The following EXOC1 variants were observed in gnomAD, a reference collection of about 807,000 sequenced individuals.
The protein encoded by EXOC1 is exocyst complex component 1, also known as SEC3-like 1.
A neutral mutation model predicts 107.7 loss-of-function variants in EXOC1; 67 were observed. The ratio of observed to expected loss-of-function variants is 0.62; its 90% CI spans 0.51 to 0.76. The LOEUF (loss-of-function observed/expected upper bound fraction) is 0.76. EXOC1 is among the 30% of genes least tolerant of loss of function. The probability of loss-of-function intolerance (pLI) is 0.00; values close to 1 mark genes in which losing one functional copy is unlikely to be tolerated. For missense variants in EXOC1, 833 were observed against 1,055.7 expected, an observed-to-expected ratio of 0.79 and a Z score of 2.92; for synonymous variants, 348 against 353.5, an observed-to-expected ratio of 0.98 and a Z score of 0.17.
intron 11 of EXOC1, 80 bp downstream of exon 11, chr4:55,889,012 G>A (rs1724211623): frequency 1.3e-6 from 2 of 1,482,260 alleles, no homozygotes; most frequent in Non-Finnish European, 1.9e-6. Flanking sequence ...TTGAAAAAAG[G>A]TAACACCAAA....
At chr4:55,879,825 T>G (rs757686929) in intron 9 of EXOC1, among the ~76,000 whole-genome samples, 1 of 152,188 alleles carries the variant, frequency 6.6e-6, no homozygotes, top group Non-Finnish European at 1.5e-5. Flanking sequence ...ATCTAAAATC[T>G]TTTATCTGTA....
At chr4:55,859,471 A>G (rs1280055198) in intron 2 of EXOC1, among the ~76,000 whole-genome samples, 1 of 152,146 alleles carries the variant, frequency 6.6e-6, no homozygotes, top group African/African-American at 2.4e-5. Context: ...TTGGTGTTTT[A>G]TATGGATGTC....
chr4:55,862,773 C>T (rs1721596094), intron 3 of EXOC1, among the ~76,000 whole-genome samples: 1 of 152,120 alleles, frequency 6.6e-6, no homozygotes, highest in African/African-American at 2.4e-5. Context: ...TTACATTTCC[C>T]CCAAATAACA....
intron 15 of EXOC1, among the ~76,000 whole-genome samples, chr4:55,896,227 G>A (rs1725186346): frequency 6.6e-6 from 1 of 152,154 alleles, no homozygotes; most frequent in African/African-American, 2.4e-5. Flanking sequence ...TTGGCTCACT[G>A]CAACCTCTGC....
At chr4:55,857,160 C>CTT (rs1472222197) in intron 1 of EXOC1, among the ~76,000 whole-genome samples, 1 of 133,432 alleles carries the variant, frequency 7.5e-6, no homozygotes, top group African/African-American at 2.9e-5. Context: ...ACTTCATTTC[C>CTT]TTTTTTTCTT....
At chr4:55,895,449 G>T (rs866185872) in intron 15 of EXOC1, among the ~76,000 whole-genome samples, 12 of 152,142 alleles carry the variant, frequency 7.9e-5, no homozygotes, top group African/African-American at 2.2e-4. Context: ...TCACCTCACA[G>T]TTACCAATAC....
At chr4:55,868,185 G>C (rs1261769451) in intron 4 of EXOC1, 151 bp from the exon 5 acceptor site, 8 of 453,872 alleles carry the variant, frequency 1.8e-5, no homozygotes, top group Non-Finnish European at 2.9e-5. Flanking sequence ...TAAAAATAAA[G>C]TTTGATTTTT....
intron 3 of EXOC1, among the ~76,000 whole-genome samples, chr4:55,863,704 G>T (rs906370046): frequency 1.3e-5 from 2 of 152,120 alleles, no homozygotes; most frequent in Admixed American, 6.5e-5. Flanking sequence ...ATAATTAGGC[G>T]CAATCTCTGC....
rs549052775 is a variant in EXOC1, at chr4:55,858,409, C to G, written c.86C>G (p.Ala29Gly). 6.4e-4 allele frequency: 1,036 copies of G among 1,606,202 alleles called. 20 individuals are homozygous for G. In the South Asian group the frequency reaches 0.011, roughly 17 times the overall value. ...RLLSIVNVCK[A>G]GKKKKNCFLC... ...CTGAGCATTGTGAATGTCTGCAAAG[C>G]AGGAAAAAAGAAAAAGAACTGTTTT... is the stretch of plus-strand genomic sequence containing the variant. Residue 29 changes from alanine (A) to glycine (G), a missense_variant, in exon 2 of 19, where the codon GCA becomes GGA. Coordinates refer to ENST00000381295, the MANE Select transcript of EXOC1 (RefSeq NM_001024924.2).
intron 9 of EXOC1, 80 bp downstream of exon 9, chr4:55,878,146 A>G: frequency 6.8e-7 from 1 of 1,476,292 alleles, no homozygotes; most frequent in African/African-American, 1.4e-5. Context: ...CAGTTCCCCA[A>G]GTTTAAAATA....
intron 14 of EXOC1, among the ~76,000 whole-genome samples, chr4:55,893,128 T>C (rs1195348097): frequency 6.6e-6 from 1 of 152,216 alleles, no homozygotes; most frequent in Non-Finnish European, 1.5e-5. Context: ...GTTGTTGTTG[T>C]TTTCTGAGAT....
Position 55,893,787 on chromosome 4 carries a change from T to G in EXOC1, c.1953+7T>G. 6.2e-7 allele frequency: 1 copy of G among 1,605,460 alleles called. No homozygotes were observed. The highest frequency in any genetic ancestry group is 8.5e-7 in the Non-Finnish European group (1 of 1,176,268). ...GAACTTTGACAAATGCATTGTAAGT[T>G]TTCTTTTTTAAAAAAATACCTTAGC... On this transcript the variant is annotated splice_region_variant and intron_variant, in intron 15 of 18. Coordinates refer to ENST00000381295, the MANE Select transcript of EXOC1 (RefSeq NM_001024924.2).
intron 1 of EXOC1, among the ~76,000 whole-genome samples, chr4:55,857,253 A>G (rs1721080918): frequency 8.3e-6 from 1 of 120,846 alleles, no homozygotes; most frequent in Non-Finnish European, 1.6e-5. Flanking sequence ...GTCTCGGCTC[A>G]CTGCAAGCTC....
At position 55,871,188 on chromosome 4, in the gene EXOC1, G is replaced by A; in HGVS notation, c.919G>A (p.Ala307Thr). 6.2e-7 allele frequency: 1 copy of A among 1,613,906 alleles called. No homozygotes were observed. The highest frequency in any genetic ancestry group is 8.5e-7 in the Non-Finnish European group (1 of 1,179,878). Residue 307 changes from alanine (A) to threonine (T), a missense_variant, in exon 7 of 19, where the codon GCT becomes ACT. Ala to Thr is a moderately conservative substitution (Grantham distance 58). This residue lies in a region of EXOC1 where 617 missense variants were observed against 701.3 expected (regional missense o/e 0.88). Coordinates refer to ENST00000381295, the MANE Select transcript of EXOC1 (RefSeq NM_001024924.2). The stretch of plus-strand genomic sequence containing the variant: ...CAGAGGCATTGAGGCCTGCACCAAT[G>A]CTGCTGATGCCCTTCTGCAGTGCAT... ...SSRGIEACTN[A>T]ADALLQCMNV...
intron 10 of EXOC1, among the ~76,000 whole-genome samples, chr4:55,888,632 G>T (rs1027863399): frequency 1.3e-5 from 2 of 151,248 alleles, no homozygotes; most frequent in Admixed American, 1.3e-4. Flanking sequence ...GTGTAGGGGG[G>T]TTACACATAG....
intron 1 of EXOC1, among the ~76,000 whole-genome samples, chr4:55,856,338 G>A (rs1425524547): frequency 6.6e-6 from 1 of 152,182 alleles, no homozygotes; most frequent in Admixed American, 6.5e-5. Context: ...CTGTCTCCAG[G>A]CTAGGTTGGA....
intron 3 of EXOC1, among the ~76,000 whole-genome samples, chr4:55,862,395 ATAACT>A (rs955445084): frequency 3.9e-5 from 6 of 152,070 alleles, no homozygotes; most frequent in Non-Finnish European, 5.9e-5. Flanking sequence ...ATTTTTATAC[ATAACT>A]TAACATTAGC....
intron 14 of EXOC1, among the ~76,000 whole-genome samples, chr4:55,893,276 C>T (rs1724795995): frequency 1.3e-5 from 2 of 152,072 alleles, no homozygotes; most frequent in South Asian, 2.1e-4. Flanking sequence ...TGCACCACCA[C>T]GTCTGGCTAA....
At chr4:55,897,796 A>G (rs888407860) in intron 16 of EXOC1, among the ~76,000 whole-genome samples, 5 of 152,084 alleles carry the variant, frequency 3.3e-5, no homozygotes, top group South Asian at 2.1e-4. Flanking sequence ...TTGTATTTTT[A>G]ATAGAGACAG....
Sources: gnomAD v4.1 joint callset for allele counts (sites outside exome capture counted in the v4.1 genomes callset) on GRCh38, gnomAD v4.1.1 for gene constraint, gnomAD v4.1.1 regional missense constraint, MANE v1.5 for transcripts, NCBI Gene and HGNC (gene_info 2026-07-23, HGNC 2026-07-21) for gene names.